The following PIBF1 variants were observed in gnomAD, a reference collection of about 807,000 sequenced individuals.
The protein encoded by PIBF1 is progesterone immunomodulatory binding factor 1.
PIBF1 carries 90 observed loss-of-function variants against 112.5 expected under a neutral mutation model. The ratio of observed to expected loss-of-function variants is 0.80; its 90% CI spans 0.67 to 0.95. The LOEUF is 0.95. Among genes scored for constraint, PIBF1 ranks in the 40% least tolerant of loss-of-function variants. PIBF1 has a pLI of 0.00. For missense variants in PIBF1, 915 were observed against 852.3 expected, an observed-to-expected ratio of 1.07 and a Z score of -0.92; for synonymous variants, 301 against 288.6, an observed-to-expected ratio of 1.04 and a Z score of -0.44.
At chr13:72,816,839 T>C (rs2036297388) in intron 5 of PIBF1, among the ~76,000 whole-genome samples, 1 of 152,166 alleles carries the variant, frequency 6.6e-6, no homozygotes, top group African/African-American at 2.4e-5. Context: ...TGTCTGTCTT[T>C]AGAATCAATT....
intron 14 of PIBF1, among the ~76,000 whole-genome samples, chr13:72,951,894 G>T (rs558246323): frequency 6.6e-6 from 1 of 152,130 alleles, no homozygotes; most frequent in African/African-American, 2.4e-5. Context: ...TAGAGACGGG[G>T]TTTCACCATA....
intron 11 of PIBF1, among the ~76,000 whole-genome samples, chr13:72,904,344 A>G (rs995193944): frequency 6.6e-6 from 1 of 151,598 alleles, no homozygotes; most frequent in Non-Finnish European, 1.5e-5. Context: ...GTTACAGGAT[A>G]AATATCATAA....
In PIBF1 at chr13:72,818,746, A is replaced by G. The variant is rs144812711; in HGVS notation, c.673-3103A>G. Among the ~76,000 whole-genome samples, 965 of 140,504 alleles carry G rather than the reference A, an allele frequency of 6.9e-3. 14 individuals carry two copies. The highest frequency in any genetic ancestry group is 0.024 in the African/African-American group (931 of 38,228). The allele number at this position is 140,504 out of a possible 152,430, so 92.2% of individuals were successfully genotyped here. A position where few individuals can be genotyped will look rare whatever the true frequency, so the allele number is the denominator to read the frequency against. ...CTCCCAGCTTTCTTTTTATCAAACCAGACTGAAAAACTCTCAACTCTTTAT... is the reference window on the plus strand; with the variant it reads ...CTCCCAGCTTTCTTTTTATCAAACCGGACTGAAAAACTCTCAACTCTTTAT... On this transcript the variant is annotated intron_variant, in intron 5 of 17. Transcript: ENST00000326291.
At chr13:72,808,250 T>C (rs1057056131) in intron 5 of PIBF1, among the ~76,000 whole-genome samples, 9 of 152,236 alleles carry the variant, frequency 5.9e-5, no homozygotes, top group Non-Finnish European at 1.3e-4. Flanking sequence ...TGTTTACTTA[T>C]TATGAACATA....
intron 6 of PIBF1, among the ~76,000 whole-genome samples, chr13:72,826,312 G>A (rs1002470211): frequency 2.0e-5 from 3 of 151,964 alleles, no homozygotes; most frequent in East Asian, 1.9e-4. Flanking sequence ...CTTTCTAAAC[G>A]TTTTTGAAAA....
chr13:72,840,856 G>T (rs76397597), intron 9 of PIBF1, among the ~76,000 whole-genome samples: 4 of 152,086 alleles, frequency 2.6e-5, no homozygotes, highest in African/African-American at 7.2e-5. Context: ...AAACTGAAAT[G>T]ATGATTAATG....
chr13:72,837,596 A>T (rs2037417153), intron 9 of PIBF1, among the ~76,000 whole-genome samples: 1 of 152,158 alleles, frequency 6.6e-6, no homozygotes, highest in African/African-American at 2.4e-5. Context: ...ATGCAGCACT[A>T]CAGAAATGTC....
intron 14 of PIBF1, among the ~76,000 whole-genome samples, chr13:72,934,692 C>A (rs1387843207): frequency 1.3e-5 from 2 of 151,774 alleles, no homozygotes; most frequent in Admixed American, 6.6e-5. Flanking sequence ...TAAGTAATAC[C>A]CAAAATAAAA....
Position 72,973,668 on chromosome 13 carries a change from A to G in PIBF1, c.2042A>G (p.His681Arg). The change falls in exon 16 of 18, where the codon CAT becomes CGT. Residue 681 changes from histidine (H) to arginine (R), a missense_variant. Coordinates refer to ENST00000326291, the MANE Select transcript of PIBF1 (RefSeq NM_006346.4). ...TTAGATTTAGAACAACTTCTAAATC[A>G]TCGTGAGGTATTTTTCCTATTTTGT... ...MALDLEQLLN[H>R]REELAAMKQI... 2.0e-6 allele frequency: 3 copies of G among 1,531,024 alleles called. No homozygotes were observed. Among genetic ancestry groups the G allele is most frequent in the Non-Finnish European group, 2.7e-6 (3 of 1,114,080 alleles). The allele number at this position is 1,531,024 out of a possible 1,614,324, so 94.8% of individuals were successfully genotyped here.
chr13:72,909,370 T>C (rs1208455600), intron 12 of PIBF1, among the ~76,000 whole-genome samples: 1 of 152,056 alleles, frequency 6.6e-6, no homozygotes, highest in Admixed American at 6.6e-5. Flanking sequence ...GCAAGATAAA[T>C]GCTATAAGCA....
At chr13:72,952,505 C>A (rs776508068) in intron 14 of PIBF1, among the ~76,000 whole-genome samples, 10 of 151,552 alleles carry the variant, frequency 6.6e-5, no homozygotes, top group Non-Finnish European at 1.3e-4. Flanking sequence ...CTGTTGTGAT[C>A]TTTTGGGGGT....
intron 16 of PIBF1, among the ~76,000 whole-genome samples, chr13:72,977,711 G>A (rs2043059034): frequency 6.6e-6 from 1 of 152,130 alleles, no homozygotes; most frequent in African/African-American, 2.4e-5. Context: ...ATTAGTGTTA[G>A]CTCAAAAATA....
rs533705103 is a variant in PIBF1 at position 72,791,921 on chromosome 13, A to G, written c.253-526A>G. On this transcript the variant is annotated intron_variant, in intron 2 of 17. Transcript: ENST00000326291. The stretch of plus-strand genomic sequence containing the variant: ...AGTGCTGGGATTACAGGCGTGAGCC[A>G]CCGCACCCAGCTGAAAATAAATTTT... Among the ~76,000 whole-genome samples the G allele has an allele frequency of 5.9e-4, 88 of 150,190 alleles. 1 individual carries two copies. Among genetic ancestry groups the G allele is most frequent in the African/African-American group, 2.1e-3 (85 of 41,028 alleles).
At chr13:72,953,484 A>G (rs144493663) in intron 14 of PIBF1, among the ~76,000 whole-genome samples, 2 of 152,264 alleles carry the variant, frequency 1.3e-5, no homozygotes, top group Non-Finnish European at 1.5e-5. Context: ...CCAAGGATCC[A>G]GTGATGTGAC....
intron 9 of PIBF1, among the ~76,000 whole-genome samples, chr13:72,842,133 A>C (rs1365936406): frequency 6.6e-6 from 1 of 152,268 alleles, no homozygotes; most frequent in East Asian, 1.9e-4. Flanking sequence ...TTTCTGCATA[A>C]GATGGCTAGC....
At chr13:72,913,701 T>A (rs752631386) in intron 12 of PIBF1, among the ~76,000 whole-genome samples, 1 of 151,676 alleles carries the variant, frequency 6.6e-6, no homozygotes, top group Non-Finnish European at 1.5e-5. Flanking sequence ...ACGTCAAGGC[T>A]GCAGTGACTG....
intron 5 of PIBF1, among the ~76,000 whole-genome samples, chr13:72,801,680 G>A (rs2035483526): frequency 6.6e-6 from 1 of 152,178 alleles, no homozygotes; most frequent in Non-Finnish European, 1.5e-5. Context: ...AACGCTGTAT[G>A]ATGCTAATCA....
chr13:72,902,006 A>ATGTGTGTGTGTGCGTG (rs2040508176), intron 11 of PIBF1, among the ~76,000 whole-genome samples: 1 of 147,826 alleles, frequency 6.8e-6, no homozygotes, highest in Non-Finnish European at 1.5e-5. Context: ...GTGTATGTAT[A>ATGTGTGTGTGTGCGTG]TGTGTGTGTG....
chr13:72,960,123 T>C (rs1231246181), intron 14 of PIBF1, among the ~76,000 whole-genome samples: 1 of 152,242 alleles, frequency 6.6e-6, no homozygotes, highest in Non-Finnish European at 1.5e-5. Flanking sequence ...AACAGGTTTA[T>C]AAAGAAATGT....
Sources: allele counts gnomAD v4.1 joint callset (sites outside exome capture counted in the v4.1 genomes callset), GRCh38; gene constraint gnomAD v4.1.1; transcripts MANE v1.5; gene names NCBI Gene and HGNC (gene_info 2026-07-23, HGNC 2026-07-21).